Variants in EIF3L observed in about 807,000 individuals in gnomAD.
EIF3L encodes the protein eIEF associated protein HSPC021.
In EIF3L, 32 loss-of-function variants were observed where a neutral mutation model predicts 74.6. That is an observed-to-expected ratio of 0.43 (90% CI 0.32 to 0.58). The LOEUF (loss-of-function observed/expected upper bound fraction) is 0.58. Among genes scored for constraint, EIF3L ranks in the 20% least tolerant of loss-of-function variants. The pLI is 0.06. For synonymous variants in EIF3L, 256 were observed against 254.4 expected, an observed-to-expected ratio of 1.01 and a Z score of -0.06; for missense variants, 474 against 707.8, an observed-to-expected ratio of 0.67 and a Z score of 3.75.
chr22:37,868,165 A>G (rs367697706), intron 7 of EIF3L, among the ~76,000 whole-genome samples: 1 of 126,596 alleles, frequency 7.9e-6, no homozygotes. Flanking sequence ...CCCAGGCTGG[A>G]GTGCAGTGGC....
chr22:37,851,214 T>G lies in EIF3L; in HGVS notation c.83-66T>G, dbSNP rs1412860226. On this transcript the variant is annotated intron_variant, in intron 2 of 12. Transcript: ENST00000652021. ...CTGAGTTTAGTTTCTGGGGTGGTCT[T>G]GCCATTTCGTTCTATCATATATGTG... is the stretch of plus-strand genomic sequence containing the variant. The G allele has an allele frequency of 4.2e-6, 6 of 1,416,870 alleles. No homozygotes were observed. In the East Asian group the frequency reaches 1.4e-4, roughly 32 times the overall value. 87.8% of individuals were successfully genotyped at this position (1,416,870 alleles called of 1,614,324 possible). A position where few individuals can be genotyped will look rare whatever the true frequency, so the allele number is the denominator to read the frequency against.
At chr22:37,871,302 T>C (rs1926457159) in intron 8 of EIF3L, 1 of 152,138 alleles carries the variant, frequency 6.6e-6, no homozygotes, top group Non-Finnish European at 1.5e-5. Flanking sequence ...TTTTCTTTGA[T>C]ACTACACCAT....
At chr22:37,868,002 T>A (rs1471154567) in intron 7 of EIF3L, among the ~76,000 whole-genome samples, 1 of 151,792 alleles carries the variant, frequency 6.6e-6, no homozygotes, top group African/African-American at 2.4e-5. Flanking sequence ...CTTTTCTGAT[T>A]TCCCATATTA....
chr22:37,860,462 C>A (rs1925796861), intron 5 of EIF3L, among the ~76,000 whole-genome samples: 1 of 152,196 alleles, frequency 6.6e-6, no homozygotes, highest in East Asian at 1.9e-4. Flanking sequence ...TCAAGCAATT[C>A]TCCAGGCTCA....
intron 4 of EIF3L, among the ~76,000 whole-genome samples, chr22:37,856,854 A>AAAAG (rs1240459224): frequency 6.6e-6 from 1 of 151,786 alleles, no homozygotes; most frequent in Non-Finnish European, 1.5e-5. Flanking sequence ...CAAAAAAAAA[A>AAAAG]AAAGAAAGAA....
chr22:37,883,996 ACTGT>A (rs1166054476), intron 11 of EIF3L: 1 of 152,130 alleles, frequency 6.6e-6, no homozygotes, highest in Non-Finnish European at 1.5e-5. Context: ...AACCATCTCC[ACTGT>A]CTAATTCCAA....
At chr22:37,868,996 C>T (rs1258553501) in intron 7 of EIF3L, among the ~76,000 whole-genome samples, 1 of 151,978 alleles carries the variant, frequency 6.6e-6, no homozygotes, top group African/African-American at 2.4e-5. Flanking sequence ...AAGCTGTTCT[C>T]GAACTCTTGA....
rs578200960 is a variant in EIF3L, at chr22:37,888,638, G to A, written c.*174G>A. On this transcript the variant is annotated 3_prime_UTR_variant, in exon 13 of 13. Transcript: ENST00000652021. Reference sequence around the variant, plus strand: ...AAGGATCTTTGGAGCCAGATTTGTCGTCTCATTATTGTAGGAGAGAATTTG... The same window carrying A: ...AAGGATCTTTGGAGCCAGATTTGTCATCTCATTATTGTAGGAGAGAATTTG... The A allele has an allele frequency of 3.9e-5, 25 of 647,768 alleles. No homozygotes were observed. The highest frequency in any genetic ancestry group is 1.5e-4 in the African/African-American group (8 of 55,062). 40.1% of individuals were successfully genotyped at this position (647,768 alleles called of 1,614,324 possible).
At chr22:37,886,711 A>C in intron 11 of EIF3L, 54 bp from the exon 12 acceptor site, 1 of 1,524,182 alleles carries the variant, frequency 6.6e-7, no homozygotes, top group Non-Finnish European at 9.1e-7. Context: ...CCTGGGTTAG[A>C]TGGCCCTGCT....
rs1925674304 is a variant in EIF3L, at chr22:37,858,669, T to A, written c.374-10T>A. The A allele has an allele frequency of 6.2e-7, 1 of 1,610,278 alleles. No individual in the cohort carries two copies. Among genetic ancestry groups the A allele is most frequent in the East Asian group, 2.2e-5 (1 of 44,842 alleles). On this transcript the variant is annotated splice_polypyrimidine_tract_variant and intron_variant, in intron 4 of 12. Transcript: ENST00000652021. ...TGGTTAGTGAAGCACCCTTCTGCCA[T>A]CTCTTTCAGATGCTGTCTTCCTGAT...
chr22:37,886,889 G>T, intron 12 of EIF3L, 44 bp downstream of exon 12: 1 of 1,488,054 alleles, frequency 6.7e-7, no homozygotes, highest in Non-Finnish European at 9.3e-7. Flanking sequence ...TCAGGACAGA[G>T]CTTAGGAACT....
intron 11 of EIF3L, chr22:37,883,344 G>A (rs186494231): frequency 2.6e-5 from 4 of 151,410 alleles, no homozygotes; most frequent in African/African-American, 9.8e-5. Flanking sequence ...CACTTTGGGA[G>A]GCTGAGGCAG....
Position 37,888,583 on chromosome 22 carries a change from G to A in EIF3L, c.*119G>A. 1 of 1,046,588 alleles carries A rather than the reference G, an allele frequency of 9.6e-7. No homozygotes were observed. The highest frequency in any genetic ancestry group is 1.4e-5 in the South Asian group (1 of 70,904). 64.8% of individuals were successfully genotyped at this position (1,046,588 alleles called of 1,614,324 possible). A position where few individuals can be genotyped will look rare whatever the true frequency, so the allele number is the denominator to read the frequency against. ...CCTGTCAACTCAGTTAACAAGTTAA[G>A]GACCGAAGTGTTTCAAGTGGATCTC... is the stretch of plus-strand genomic sequence containing the variant. On this transcript the variant is annotated 3_prime_UTR_variant, in exon 13 of 13. Coordinates refer to ENST00000652021, the MANE Select transcript of EIF3L (RefSeq NM_016091.4).
chr22:37,873,970 C>T (rs543566640), intron 8 of EIF3L, among the ~76,000 whole-genome samples: 2 of 152,184 alleles, frequency 1.3e-5, no homozygotes, highest in Admixed American at 6.5e-5. Flanking sequence ...GTAATTTTAC[C>T]CAACATAGTG....
At chr22:37,855,474 CT>C in intron 3 of EIF3L, 90 bp from the exon 4 acceptor site, 1 of 1,198,166 alleles carries the variant, frequency 8.3e-7, no homozygotes. Flanking sequence ...ACATCTTCCC[CT>C]TTCTAAGCCT....
chr22:37,856,040 ATTTATTTAT>A (rs933214684), intron 4 of EIF3L, among the ~76,000 whole-genome samples: 63 of 95,356 alleles, frequency 6.6e-4, no homozygotes, highest in Non-Finnish European at 1.3e-3. Context: ...CAATTTATTT[ATTTATTTAT>A]TTTATTTTAT....
At chr22:37,875,449 G>A (rs1601776233) in intron 9 of EIF3L, among the ~76,000 whole-genome samples, 1 of 152,048 alleles carries the variant, frequency 6.6e-6, no homozygotes, top group East Asian at 1.9e-4. Context: ...GTTAGCTGTT[G>A]TGTTCTTCCT....
chr22:37,871,871 G>GGA (rs1208779100), intron 8 of EIF3L, among the ~76,000 whole-genome samples: 98 of 111,612 alleles, frequency 8.8e-4, no homozygotes, highest in African/African-American at 3.1e-3. Context: ...TCTGTCTCGG[G>GGA]GAAAAAAAAA....
intron 11 of EIF3L, chr22:37,881,264 T>C (rs1927033418): frequency 6.6e-6 from 1 of 152,030 alleles, no homozygotes; most frequent in African/African-American, 2.4e-5. Flanking sequence ...AGACAGAGTC[T>C]CATTGTATCA....
Sources: gnomAD v4.1 joint callset for allele counts (sites outside exome capture counted in the v4.1 genomes callset) on GRCh38, gnomAD v4.1.1 for gene constraint, MANE v1.5 for transcripts, NCBI Gene and HGNC (gene_info 2026-07-23, HGNC 2026-07-21) for gene names.